ZEB1: variants seen among roughly 807,000 people sequenced by gnomAD.
ZEB1 encodes zinc finger E-box-binding homeobox 1.
ZEB1 carries 21 observed loss-of-function variants against 84.9 expected under a neutral mutation model. The observed-to-expected ratio is 0.25, with a 90% confidence interval of 0.18 to 0.36. The LOEUF is 0.36. Among genes scored for constraint, ZEB1 ranks in the 10% least tolerant of loss-of-function variants. The pLI, the probability that ZEB1 is intolerant of heterozygous loss-of-function variation, is 1.00. For missense variants in ZEB1, 1,104 were observed against 1,330.2 expected (o/e 0.83, Z 2.65); for synonymous variants, 420 against 471.1 (o/e 0.89, Z 1.41).
intron 8 of ZEB1, among the ~76,000 whole-genome samples, chr10:31,525,918 C>T (rs1315152691): frequency 6.6e-6 from 1 of 152,178 alleles, no homozygotes; most frequent in East Asian, 1.9e-4. Flanking sequence ...ATATGAAAAA[C>T]TACACTATTT....
At chr10:31,323,036 G>A (rs900814070) in intron 1 of ZEB1, among the ~76,000 whole-genome samples, 1 of 152,066 alleles carries the variant, frequency 6.6e-6, no homozygotes, top group Non-Finnish European at 1.5e-5. Context: ...CTAGTTTGCC[G>A]AAACTAGAAA....
intron 2 of ZEB1, among the ~76,000 whole-genome samples, chr10:31,471,722 C>G (rs2063282349): frequency 6.9e-6 from 1 of 145,642 alleles, no homozygotes; most frequent in African/African-American, 2.7e-5. Context: ...TAATAGACAT[C>G]TACAGAACTC....
intron 1 of ZEB1, among the ~76,000 whole-genome samples, chr10:31,434,425 G>A (rs941022440): frequency 3.3e-5 from 5 of 152,052 alleles, no homozygotes; most frequent in Admixed American, 2.6e-4. Flanking sequence ...TATAAAATAC[G>A]AAGCTGAGAC....
chr10:31,406,343 T>G (rs1275164646), intron 1 of ZEB1, among the ~76,000 whole-genome samples: 1 of 152,302 alleles, frequency 6.6e-6, no homozygotes, highest in Non-Finnish European at 1.5e-5. Flanking sequence ...CTGCACATCC[T>G]CTCCAGCATC....
At chr10:31,484,143 G>A (rs895455174) in intron 2 of ZEB1, among the ~76,000 whole-genome samples, 2 of 151,908 alleles carry the variant, frequency 1.3e-5, no homozygotes, top group South Asian at 2.1e-4. Context: ...TTAAGAGCTC[G>A]TGATTAACTG....
intron 2 of ZEB1, among the ~76,000 whole-genome samples, chr10:31,472,272 A>C (rs1477631175): frequency 1.3e-5 from 2 of 152,150 alleles, no homozygotes; most frequent in South Asian, 4.2e-4. Context: ...TTAATCCCAG[A>C]GCTGGTTTTT....
intron 1 of ZEB1, among the ~76,000 whole-genome samples, chr10:31,341,820 A>G (rs2039422969): frequency 6.6e-6 from 1 of 152,206 alleles, no homozygotes; most frequent in Non-Finnish European, 1.5e-5. Flanking sequence ...AGATCCAAGC[A>G]AGACTAGAAA....
chr10:31,496,228 A>G (rs1483063947), intron 3 of ZEB1, among the ~76,000 whole-genome samples: 2 of 152,082 alleles, frequency 1.3e-5, no homozygotes, highest in African/African-American at 4.8e-5. Flanking sequence ...CCACAAGACA[A>G]AAAGCAGAAG....
chr10:31,374,708 T>C (rs185407338), intron 1 of ZEB1: 1 of 151,972 alleles, frequency 6.6e-6, no homozygotes, highest in African/African-American at 2.4e-5. Context: ...ACTTTTAAAG[T>C]TAATTCTATT....
At chr10:31,428,291 T>A (rs780895712) in intron 1 of ZEB1, among the ~76,000 whole-genome samples, 8 of 152,164 alleles carry the variant, frequency 5.3e-5, no homozygotes, top group Non-Finnish European at 1.2e-4. Context: ...TTAAAGAACT[T>A]TTTTATTATG....
At chr10:31,484,876 T>C (rs1031909790) in intron 2 of ZEB1, among the ~76,000 whole-genome samples, 2 of 151,978 alleles carry the variant, frequency 1.3e-5, no homozygotes, top group African/African-American at 4.8e-5. Flanking sequence ...AGAAAAAATA[T>C]GGTAATTAGG....
At chr10:31,393,075 C>T (rs576703051) in intron 1 of ZEB1, among the ~76,000 whole-genome samples, 3 of 152,154 alleles carry the variant, frequency 2.0e-5, no homozygotes, top group African/African-American at 7.2e-5. Flanking sequence ...TGAGCTCAAG[C>T]GATCCTCCCA....
chr10:31,358,470 C>T (rs1335452615), intron 1 of ZEB1: 1 of 152,004 alleles, frequency 6.6e-6, no homozygotes, highest in African/African-American at 2.4e-5. Flanking sequence ...TAATAGACAC[C>T]TGTCTGTAGA....
intron 1 of ZEB1, among the ~76,000 whole-genome samples, chr10:31,436,773 C>A (rs2058336226): frequency 6.6e-6 from 1 of 152,114 alleles, no homozygotes; most frequent in Non-Finnish European, 1.5e-5. Context: ...GTCATAATTT[C>A]TTTAAAGTAC....
intron 1 of ZEB1, among the ~76,000 whole-genome samples, chr10:31,375,186 A>T (rs1325153192): frequency 6.6e-6 from 1 of 150,990 alleles, no homozygotes; most frequent in East Asian, 1.9e-4. Context: ...GTGACTTCTA[A>T]ATTTAGTTTT....
At chr10:31,441,324 T>G (rs2058952715) in intron 1 of ZEB1, among the ~76,000 whole-genome samples, 1 of 152,110 alleles carries the variant, frequency 6.6e-6, no homozygotes, top group African/African-American at 2.4e-5. Flanking sequence ...TCCTGTTTAA[T>G]AAATGGTGCT....
chr10:31,358,210 A>C (rs531288978), intron 1 of ZEB1: 3 of 152,354 alleles, frequency 2.0e-5, no homozygotes, highest in African/African-American at 7.2e-5. Flanking sequence ...TAGAAATCCA[A>C]TCATGGATCA....
chr10:31,330,649 G>A (rs997897864), intron 1 of ZEB1, among the ~76,000 whole-genome samples: 3 of 152,122 alleles, frequency 2.0e-5, no homozygotes, highest in African/African-American at 7.2e-5. Context: ...ATAAATGCTT[G>A]ATCTTACTGA....
intron 1 of ZEB1, among the ~76,000 whole-genome samples, chr10:31,336,319 A>G (rs985581063): frequency 6.6e-6 from 1 of 152,146 alleles, no homozygotes; most frequent in African/African-American, 2.4e-5. Flanking sequence ...CCTTTCAATA[A>G]TTGGGGTTGT....
Sources: gnomAD v4.1 joint callset for allele counts (sites outside exome capture counted in the v4.1 genomes callset) on GRCh38, gnomAD v4.1.1 for gene constraint, MANE v1.5 for transcripts, NCBI Gene and HGNC (gene_info 2026-07-23, HGNC 2026-07-21) for gene names.